Variants in CSMD1 observed in about 807,000 individuals in gnomAD.
The protein encoded by CSMD1 is CUB and Sushi multiple domains 1.
CSMD1 carries 213 observed loss-of-function variants against 417.5 expected under a neutral mutation model. The observed-to-expected ratio is 0.51, with a 90% CI of 0.46 to 0.57. CSMD1 has a LOEUF of 0.57. CSMD1 is among the 20% of genes least tolerant of loss of function. The pLI is 0.00. For synonymous variants in CSMD1, 2,862 were observed against 1,736.8 expected (o/e 1.65, Z -16.11); for missense variants, 6,923 against 4,529.7 (o/e 1.53, Z -15.17).
intron 5 of CSMD1, among the ~76,000 whole-genome samples, chr8:3,911,894 T>C (rs1808489560): frequency 6.6e-6 from 1 of 152,216 alleles, no homozygotes; most frequent in Non-Finnish European, 1.5e-5. Flanking sequence ...CCGTTATCTT[T>C]TCTCACCATC....
intron 10 of CSMD1, among the ~76,000 whole-genome samples, chr8:3,555,705 T>A (rs146815890): frequency 5.9e-5 from 9 of 152,336 alleles, no homozygotes; most frequent in African/African-American, 2.2e-4. Flanking sequence ...ATAAAATATG[T>A]GTCTATCATA....
At chr8:3,547,306 G>GTGTGCTTATT (rs1414147268) in intron 10 of CSMD1, among the ~76,000 whole-genome samples, 1 of 152,208 alleles carries the variant, frequency 6.6e-6, no homozygotes. Context: ...TGAAATGAAT[G>GTGTGCTTATT]TGTGCTTATT....
intron 5 of CSMD1, among the ~76,000 whole-genome samples, chr8:3,834,391 G>A (rs891348573): frequency 3.3e-5 from 5 of 151,940 alleles, no homozygotes; most frequent in African/African-American, 9.7e-5. Flanking sequence ...AACCAATTGT[G>A]CCTGCACAGT....
chr8:2,956,823 C>T (rs995180982), intron 63 of CSMD1, among the ~76,000 whole-genome samples: 1 of 151,928 alleles, frequency 6.6e-6, no homozygotes, highest in African/African-American at 2.4e-5. Context: ...TAATTAGTAA[C>T]CACAACAAAT....
At chr8:3,649,466 C>G (rs1366268811) in intron 7 of CSMD1, among the ~76,000 whole-genome samples, 1 of 152,140 alleles carries the variant, frequency 6.6e-6, no homozygotes, top group Non-Finnish European at 1.5e-5. Context: ...ACTCACAGTT[C>G]ATCATGGCTG....
chr8:3,633,622 C>T (rs1481093999), intron 7 of CSMD1, among the ~76,000 whole-genome samples: 1 of 152,088 alleles, frequency 6.6e-6, no homozygotes, highest in Non-Finnish European at 1.5e-5. Context: ...TTAATATTTC[C>T]TAATTTAAAA....
At chr8:4,147,306 G>T (rs535310686) in intron 3 of CSMD1, among the ~76,000 whole-genome samples, 1 of 152,104 alleles carries the variant, frequency 6.6e-6, no homozygotes, top group Non-Finnish European at 1.5e-5. Flanking sequence ...CAGCGGGGAA[G>T]GGGAAGCCTT....
rs146717353 is a variant in CSMD1 at position 4,051,609 on chromosome 8, G to T, written c.416-19510C>A. On this transcript the variant is annotated intron_variant, in intron 3 of 69. Coordinates refer to ENST00000635120, the MANE Select transcript of CSMD1 (RefSeq NM_033225.6). ...TCAGAAGTGCTAAGTGCACAGCGGGGCTTGTAGGTTTCTGTGGGGCCCTAG... is the reference window on the plus strand; with the variant it reads ...TCAGAAGTGCTAAGTGCACAGCGGGTCTTGTAGGTTTCTGTGGGGCCCTAG... Among the ~76,000 whole-genome samples the T allele has an allele frequency of 1.1e-3, 174 of 152,288 alleles. 3 individuals are homozygous for T. The East Asian group carries it at 0.032, about 28-fold the overall frequency.
intron 5 of CSMD1, among the ~76,000 whole-genome samples, chr8:3,812,889 A>G (rs1300865230): frequency 1.3e-5 from 2 of 152,234 alleles, no homozygotes; most frequent in African/African-American, 4.8e-5. Context: ...ATGACATGCC[A>G]GCTCTTTCGT....
intron 2 of CSMD1, among the ~76,000 whole-genome samples, chr8:4,435,118 A>T (rs13268412): frequency 0.24 from 36,938 of 152,130 alleles, 4,975 homozygotes; most frequent in Middle Eastern, 0.33. Flanking sequence ...AAAATAAGGA[A>T]AAACTGTATT....
At chr8:3,324,095 G>C (rs1364184816) in intron 23 of CSMD1, among the ~76,000 whole-genome samples, 1 of 148,402 alleles carries the variant, frequency 6.7e-6, no homozygotes. Flanking sequence ...CCCAGGTGGG[G>C]GAGTTTCCTT....
At chr8:3,339,768 C>A (rs186079089) in intron 23 of CSMD1, among the ~76,000 whole-genome samples, 2 of 152,150 alleles carry the variant, frequency 1.3e-5, no homozygotes, top group Non-Finnish European at 2.9e-5. Context: ...GATCACACAT[C>A]TGTGTAAGGT....
intron 1 of CSMD1, among the ~76,000 whole-genome samples, chr8:4,751,235 A>G (rs753178914): frequency 6.6e-6 from 1 of 152,136 alleles, no homozygotes; most frequent in Non-Finnish European, 1.5e-5. Flanking sequence ...AAATACACAA[A>G]TTAGGCAGAC....
At chr8:4,812,630 A>G (rs1438050767) in intron 1 of CSMD1, among the ~76,000 whole-genome samples, 2 of 152,198 alleles carry the variant, frequency 1.3e-5, no homozygotes, top group Non-Finnish European at 2.9e-5. Flanking sequence ...CAATATTTTC[A>G]TAGATCATTT....
chr8:4,744,785 T>C (rs530744705), intron 1 of CSMD1, among the ~76,000 whole-genome samples: 1 of 152,292 alleles, frequency 6.6e-6, no homozygotes, highest in East Asian at 1.9e-4. Flanking sequence ...TTGTAGAATT[T>C]CTTCATTAAC....
At chr8:4,887,638 T>G (rs1454772750) in intron 1 of CSMD1, among the ~76,000 whole-genome samples, 1 of 152,058 alleles carries the variant, frequency 6.6e-6, no homozygotes, top group African/African-American at 2.4e-5. Flanking sequence ...TTTCAATATT[T>G]ATTAATTCTA....
chr8:4,649,291 A>G, intron 1 of CSMD1, among the ~76,000 whole-genome samples: 1 of 152,218 alleles, frequency 6.6e-6, no homozygotes, highest in East Asian at 1.9e-4. Context: ...TGTATCTGAT[A>G]AAAGATATTA....
intron 49 of CSMD1, among the ~76,000 whole-genome samples, chr8:3,063,809 G>C (rs1014160341): frequency 1.3e-5 from 2 of 152,176 alleles, no homozygotes; most frequent in South Asian, 4.1e-4. Context: ...ATGATGGCTT[G>C]TAGGGGCTGG....
At chr8:4,534,793 T>G (rs986458218) in intron 2 of CSMD1, among the ~76,000 whole-genome samples, 2 of 152,166 alleles carry the variant, frequency 1.3e-5, no homozygotes, top group African/African-American at 4.8e-5. Flanking sequence ...GGTGGAGTCT[T>G]GCTCCGTTGC....
Sources: allele counts gnomAD v4.1 joint callset (sites outside exome capture counted in the v4.1 genomes callset), GRCh38; gene constraint gnomAD v4.1.1; transcripts MANE v1.5; gene names NCBI Gene and HGNC (gene_info 2026-07-23, HGNC 2026-07-21).